Variants in ANKRD11 observed in about 807,000 individuals in gnomAD.
ANKRD11 encodes ankyrin repeat domain 11.
Under a neutral mutation model 195.7 loss-of-function variants are expected in ANKRD11, and 17 were observed. The observed-to-expected ratio is 0.09, with a 90% CI of 0.06 to 0.13. The LOEUF (loss-of-function observed/expected upper bound fraction) is 0.13. ANKRD11 is among the 10% of genes least tolerant of loss of function. ANKRD11 has a pLI of 1.00. For missense variants in ANKRD11, 3,735 were observed against 3,566.1 expected (o/e 1.05, Z -1.21); for synonymous variants, 1,953 against 1,528.1 (o/e 1.28, Z -6.49).
chr16:89,400,868 G>C (rs547322854), intron 2 of ANKRD11, among the ~76,000 whole-genome samples: 10 of 152,214 alleles, frequency 6.6e-5, no homozygotes, highest in African/African-American at 2.2e-4. Flanking sequence ...ACCTGGACCA[G>C]CTGCACACAC....
intron 1 of ANKRD11, among the ~76,000 whole-genome samples, chr16:89,481,525 C>A (rs529625679): frequency 1.3e-5 from 2 of 152,298 alleles, no homozygotes; most frequent in African/African-American, 4.8e-5. Flanking sequence ...CCACTGCACT[C>A]CACCCTGAGT....
intron 1 of ANKRD11, among the ~76,000 whole-genome samples, chr16:89,477,053 G>A (rs1325780710): frequency 6.6e-6 from 1 of 152,194 alleles, no homozygotes; most frequent in South Asian, 2.1e-4. Flanking sequence ...GACGGAGTAA[G>A]AAACAGAGAA....
chr16:89,271,237 ACT>A, intron 11 of ANKRD11: 1 of 295,642 alleles, frequency 3.4e-6, no homozygotes. Flanking sequence ...CCTGGGAGAG[ACT>A]TTTTTTTTTT....
chr16:89,275,277 C>A, intron 9 of ANKRD11, 86 bp from the exon 10 acceptor site: 2 of 1,175,236 alleles, frequency 1.7e-6, no homozygotes, highest in Non-Finnish European at 2.4e-6. Flanking sequence ...GGGGTCCCGA[C>A]TCAGCCTCCC....
chr16:89,421,762 G>A (rs954860722), intron 1 of ANKRD11, among the ~76,000 whole-genome samples: 1 of 149,246 alleles, frequency 6.7e-6, no homozygotes, highest in African/African-American at 2.5e-5. Context: ...AGTCAGGGAT[G>A]GGACCATCAC....
intron 6 of ANKRD11, among the ~76,000 whole-genome samples, chr16:89,289,209 G>A (rs1232308632): frequency 6.6e-6 from 1 of 152,092 alleles, no homozygotes; most frequent in African/African-American, 2.4e-5. Flanking sequence ...GTGGCCGCAC[G>A]CATCCGTGGA....
At chr16:89,449,685 C>G (rs558931439) in intron 1 of ANKRD11, among the ~76,000 whole-genome samples, 6 of 151,952 alleles carry the variant, frequency 3.9e-5, no homozygotes, top group African/African-American at 1.4e-4. Flanking sequence ...CCCAGCTACT[C>G]GGGAGGCTGA....
At chr16:89,299,273 G>T in intron 4 of ANKRD11, 1 of 195,738 alleles carries the variant, frequency 5.1e-6, no homozygotes, top group Non-Finnish European at 1.1e-5. Flanking sequence ...CAGGGGAGGG[G>T]CCTGGCCTTG....
chr16:89,458,310 C>T (rs1037896343), intron 1 of ANKRD11, among the ~76,000 whole-genome samples: 21 of 151,988 alleles, frequency 1.4e-4, no homozygotes, highest in South Asian at 2.1e-4. Context: ...CTGCAAGCTC[C>T]GCCTCCCGGG....
intron 1 of ANKRD11, among the ~76,000 whole-genome samples, chr16:89,477,164 A>T (rs756127952): frequency 6.6e-6 from 1 of 151,784 alleles, no homozygotes; most frequent in Non-Finnish European, 1.5e-5. Context: ...CAATAGAAGT[A>T]TAAAAGCCAT....
intron 11 of ANKRD11, chr16:89,272,187 CG>C (rs888182644): frequency 2.2e-4 from 34 of 152,150 alleles, no homozygotes; most frequent in Admixed American, 2.0e-3. Context: ...TCAAAACTAC[CG>C]TGAGACATCA....
At chr16:89,410,297 A>G (rs868661344) in intron 2 of ANKRD11, among the ~76,000 whole-genome samples, 1 of 152,224 alleles carries the variant, frequency 6.6e-6, no homozygotes, top group African/African-American at 2.4e-5. Context: ...AGCTGTAGTT[A>G]GTAAGCCACC....
intron 1 of ANKRD11, among the ~76,000 whole-genome samples, chr16:89,477,590 C>T (rs532667848): frequency 3.3e-5 from 5 of 151,728 alleles, no homozygotes; most frequent in African/African-American, 1.2e-4. Flanking sequence ...CTCCTGACCT[C>T]AGGTGATCCA....
chr16:89,284,269 A>T lies in ANKRD11; in HGVS notation c.2273T>A (p.Leu758Gln). 6.2e-7 allele frequency: 1 copy of T among 1,613,368 alleles called. No individual in the cohort carries two copies. The highest frequency in any genetic ancestry group is 8.5e-7 in the Non-Finnish European group (1 of 1,179,910). Residue 758 changes from leucine (L) to glutamine (Q), a missense_variant, in exon 9 of 13, where the codon CTG becomes CAG. Coordinates refer to ENST00000301030, the MANE Select transcript of ANKRD11 (RefSeq NM_013275.6). ...LKEKSPKEEK[L>Q]RLYKEERKKK... ...CTTTCTCTCCTCTTTGTACAGTCTC[A>T]GTTTTTCTTCTTTCGGAGACTTTTC...
chr16:89,292,720 C>T (rs566225277), intron 4 of ANKRD11, among the ~76,000 whole-genome samples: 65 of 152,380 alleles, frequency 4.3e-4, no homozygotes, highest in Admixed American at 3.9e-3. Flanking sequence ...GCCCCAGCCC[C>T]TCATAGAACC....
intron 4 of ANKRD11, among the ~76,000 whole-genome samples, chr16:89,294,537 C>G (rs770611402): frequency 1.6e-4 from 25 of 152,316 alleles, no homozygotes; most frequent in Admixed American, 6.5e-4. Flanking sequence ...ACTTGCACGT[C>G]TGTCAGCTCT....
intron 1 of ANKRD11, among the ~76,000 whole-genome samples, chr16:89,441,543 G>A (rs556280052): frequency 2.4e-4 from 37 of 151,900 alleles, no homozygotes; most frequent in East Asian, 9.7e-4. Context: ...CAAGGCGGGC[G>A]GATCACGAGG....
chr16:89,281,552 C>G lies in ANKRD11; in HGVS notation c.4990G>C (p.Ala1664Pro), dbSNP rs139814582. 1 of 1,614,158 alleles carries G rather than the reference C, an allele frequency of 6.2e-7. No homozygotes were observed. Among genetic ancestry groups the G allele is most frequent in the East Asian group, 2.2e-5 (1 of 44,880 alleles). Residue 1664 changes from alanine (A) to proline (P), a missense_variant, in exon 9 of 13, where the codon GCG (alanine) becomes CCG (proline). Physicochemically the swap from Ala to Pro is conservative, Grantham distance 27. Coordinates refer to ENST00000301030, the MANE Select transcript of ANKRD11 (RefSeq NM_013275.6). The surrounding 1 kb of genome is among the most constrained non-coding windows in gnomAD (Gnocchi z 5.5). ...GATGCTGGGTGTAGCTTATTTTCCG[C>G]GGCAGGTGGAATAGGAGTCGACTCT... The part of the protein sequence containing the change: ...LKESTPIPPA[A>P]ENKLHPASGA...
chr16:89,322,447 C>T (rs1884697084), intron 2 of ANKRD11, among the ~76,000 whole-genome samples: 1 of 152,244 alleles, frequency 6.6e-6, no homozygotes, highest in South Asian at 2.1e-4. Context: ...GTGCCCAAGG[C>T]CCCTGAGAAG....
Sources: gnomAD v4.1 joint callset for allele counts (sites outside exome capture counted in the v4.1 genomes callset) on GRCh38, gnomAD v4.1.1 for gene constraint, Gnocchi (gnomAD v3.1) non-coding constraint, MANE v1.5 for transcripts, NCBI Gene and HGNC (gene_info 2026-07-23, HGNC 2026-07-21) for gene names.